The following PCDHGA4 variants were observed in gnomAD, a reference collection of about 807,000 sequenced individuals.
The protein encoded by PCDHGA4 is protocadherin gamma-A4.
PCDHGA4 carries 38 observed loss-of-function variants against 54.6 expected under a neutral mutation model. The observed-to-expected ratio is 0.70, with a 90% confidence interval of 0.54 to 0.91. PCDHGA4 has a LOEUF of 0.91. PCDHGA4 is among the 40% of genes least tolerant of loss of function. PCDHGA4 has a pLI of 0.00. For synonymous variants in PCDHGA4, 511 were observed against 512.9 expected (o/e 1.00, Z 0.05); for missense variants, 1,298 against 1,220.9 (o/e 1.06, Z -0.94).
Position 141,450,631 on chromosome 5 carries a change from T to C in PCDHGA4, c.2515-44176T>C, listed in dbSNP as rs554043866. 6.1e-5 allele frequency among the ~76,000 whole-genome samples: 9 copies of C among 148,320 alleles called. No homozygotes were observed. In the East Asian group the frequency reaches 1.9e-3, roughly 31 times the overall value. Reference sequence around the variant, plus strand: ...CCTCCTGAGTAGCTGGGATTACAGATGCCTGCCACCATGCCTGGCTAATTT... The same window carrying C: ...CCTCCTGAGTAGCTGGGATTACAGACGCCTGCCACCATGCCTGGCTAATTT... On this transcript the variant is annotated intron_variant, in intron 1 of 3. Transcript: ENST00000571252.
chr5:141,478,415 C>T, intron 1 of PCDHGA4: 1 of 1,613,648 alleles, frequency 6.2e-7, no homozygotes, highest in Non-Finnish European at 8.5e-7. Flanking sequence ...CACGGACTCC[C>T]GCCGCAGCGA....
intron 1 of PCDHGA4, among the ~76,000 whole-genome samples, chr5:141,425,497 CT>C (rs2096879671): frequency 6.6e-6 from 1 of 152,164 alleles, no homozygotes; most frequent in African/African-American, 2.4e-5. Context: ...TAGGCTATAC[CT>C]TTATATTCTC....
chr5:141,377,925 G>A (rs1473713121), intron 1 of PCDHGA4: 1 of 152,134 alleles, frequency 6.6e-6, no homozygotes, highest in Non-Finnish European at 1.5e-5. Context: ...AAATCCACCT[G>A]TAACTGCTGC....
chr5:141,420,438 GC>G, intron 1 of PCDHGA4: 1 of 1,107,996 alleles, frequency 9.0e-7, no homozygotes, highest in Non-Finnish European at 1.2e-6. Flanking sequence ...TAAATTAAAT[GC>G]CTCAGTCTTC....
intron 1 of PCDHGA4, chr5:141,415,739 GGTTTTTTTTT>G: frequency 6.9e-6 from 3 of 434,948 alleles, no homozygotes; most frequent in Middle Eastern, 6.4e-4. Context: ...TGTTTATTAA[GGTTTTTTTTT>G]TTTTTTTTTT....
At chr5:141,403,236 T>G in intron 1 of PCDHGA4, 1 of 1,613,908 alleles carries the variant, frequency 6.2e-7, no homozygotes, top group South Asian at 1.1e-5. Flanking sequence ...CGGGAGGAGC[T>G]CTGTGCTCAG....
chr5:141,375,378 T>G, intron 1 of PCDHGA4: 1 of 1,613,954 alleles, frequency 6.2e-7, no homozygotes, highest in Non-Finnish European at 8.5e-7. Context: ...ACACCACCTC[T>G]GTCTACAGAA....
intron 1 of PCDHGA4, chr5:141,419,170 C>G: frequency 6.2e-7 from 1 of 1,613,966 alleles, no homozygotes; most frequent in South Asian, 1.1e-5. Flanking sequence ...CCAGCAAAAC[C>G]ATAACCCTGC....
intron 1 of PCDHGA4, chr5:141,383,703 C>A: frequency 2.5e-6 from 4 of 1,613,964 alleles, no homozygotes; most frequent in Non-Finnish European, 3.4e-6. Flanking sequence ...ATGCTATCGA[C>A]CTGGACGAGG....
intron 1 of PCDHGA4, chr5:141,404,146 A>G: frequency 1.2e-6 from 2 of 1,613,058 alleles, no homozygotes; most frequent in Non-Finnish European, 1.7e-6. Context: ...AAAATTCAGA[A>G]GAAGATTATT....
At chr5:141,372,810 G>A (rs1769086756) in intron 1 of PCDHGA4, 3 of 1,587,362 alleles carry the variant, frequency 1.9e-6, no homozygotes, top group Non-Finnish European at 2.6e-6. Flanking sequence ...TTTGCAAAAG[G>A]TGAGTTTCTT....
chr5:141,498,971 G>GGGAA (rs201769957), intron 2 of PCDHGA4, among the ~76,000 whole-genome samples: 8,226 of 110,874 alleles, frequency 0.074, 335 homozygotes, highest in Middle Eastern at 0.11. Flanking sequence ...GAGGGAGGGA[G>GGGAA]GGAAGGAAGG....
intron 1 of PCDHGA4, among the ~76,000 whole-genome samples, chr5:141,483,638 G>A (rs1159840764): frequency 1.4e-5 from 2 of 147,222 alleles, no homozygotes; most frequent in South Asian, 2.1e-4. Flanking sequence ...AGGTATAGAG[G>A]GGTGTGTGTT....
Position 141,490,252 on chromosome 5 carries a change from G to A in PCDHGA4, c.2515-4555G>A, listed in dbSNP as rs150107963. The A allele has an allele frequency of 1.9e-6, 3 of 1,614,252 alleles. No homozygotes were observed. Among genetic ancestry groups the A allele is most frequent in the Non-Finnish European group, 1.7e-6 (2 of 1,180,046 alleles). The stretch of plus-strand genomic sequence containing the variant: ...CATGGAGGGCCACTGTGTGATTCAA[G>A]TGGATGTGGGGGATGTCAATGACAA... On this transcript the variant is annotated intron_variant, in intron 1 of 3. Coordinates refer to ENST00000571252, the MANE Select transcript of PCDHGA4 (RefSeq NM_018917.4). This position sits in a 1 kb window ranked among gnomAD's most constrained non-coding sequence, Gnocchi z 5.4.
In PCDHGA4 at chr5:141,477,595, T is replaced by C. The variant is rs1289890776; in HGVS notation, c.2515-17212T>C. The C allele has an allele frequency of 6.2e-7, 1 of 1,614,176 alleles. No individual in the cohort carries two copies. Among genetic ancestry groups the C allele is most frequent in the Non-Finnish European group, 8.5e-7 (1 of 1,180,032 alleles). ...ACGCCCCGCAGAATGCTCGGCTTTC[T>C]TTCTTTCTCTTGGAGCAAGGAGCTG... On this transcript the variant is annotated intron_variant, in intron 1 of 3. Coordinates refer to ENST00000571252, the MANE Select transcript of PCDHGA4 (RefSeq NM_018917.4). This position sits in a 1 kb window ranked among gnomAD's most constrained non-coding sequence, Gnocchi z 4.9.
chr5:141,404,759 T>C, intron 1 of PCDHGA4: 2 of 1,613,632 alleles, frequency 1.2e-6, no homozygotes, highest in Non-Finnish European at 1.7e-6. Flanking sequence ...CCAGAATGCT[T>C]GGCTCTCCTA....
At chr5:141,422,997 C>T (rs114907564) in intron 1 of PCDHGA4, 28,679 of 1,614,218 alleles carry the variant, frequency 0.018, 311 homozygotes, top group Non-Finnish European at 0.021. Context: ...ACCTGGTGAC[C>T]AAGGTGGTTG....
Position 141,384,146 on chromosome 5 carries a change from C to G in PCDHGA4, c.2514+26525C>G, listed in dbSNP as rs369384722. 2.5e-6 allele frequency: 4 copies of G among 1,613,166 alleles called. No homozygotes were observed. The East Asian group carries it at 6.7e-5, about 27-fold the overall frequency. Reference sequence around the variant, plus strand: ...AAAAACTTGGACCGGGAAACACTCTCTTTGTATAACATCACACTGAAAGCC... The same window carrying G: ...AAAAACTTGGACCGGGAAACACTCTGTTTGTATAACATCACACTGAAAGCC... On this transcript the variant is annotated intron_variant, in intron 1 of 3. Transcript: ENST00000571252.
At chr5:141,370,956 G>A in intron 1 of PCDHGA4, 1 of 1,613,992 alleles carries the variant, frequency 6.2e-7, no homozygotes, top group South Asian at 1.1e-5. Flanking sequence ...GAACCTGGAT[G>A]GCAGTAGGTA....
Sources: gnomAD v4.1 joint callset for allele counts (sites outside exome capture counted in the v4.1 genomes callset) on GRCh38, gnomAD v4.1.1 for gene constraint, Gnocchi (gnomAD v3.1) non-coding constraint, MANE v1.5 for transcripts, NCBI Gene and HGNC (gene_info 2026-07-23, HGNC 2026-07-21) for gene names.